Variants in CHODL observed in about 807,000 individuals in gnomAD.
CHODL encodes the protein chondrolectin, also known as transmembrane protein MT75.
CHODL carries 29 observed loss-of-function variants against 34.5 expected under a neutral mutation model. That is an observed-to-expected ratio of 0.84 (90% CI 0.63 to 1.15). The LOEUF (loss-of-function observed/expected upper bound fraction) is 1.15, where lower values mean the gene tolerates loss of function less well. Among genes scored for constraint, CHODL ranks in the 50% most tolerant of loss-of-function variants. The probability of loss-of-function intolerance (pLI) is 0.00; values close to 1 mark genes in which losing one functional copy is unlikely to be tolerated. For synonymous variants in CHODL, 125 were observed against 116.1 expected (o/e 1.08, Z -0.49); for missense variants, 332 against 332.5 (o/e 1.00, Z 0.01).
intron 1 of CHODL, among the ~76,000 whole-genome samples, chr21:18,010,289 TC>T (rs367562586): frequency 1.8e-3 from 120 of 67,256 alleles, no homozygotes; most frequent in African/African-American, 6.8e-3. Flanking sequence ...AGAGCAAGAC[TC>T]CCGTCTCAAA....
chr21:18,052,768 A>G (rs564415092), intron 2 of CHODL, among the ~76,000 whole-genome samples: 1 of 152,072 alleles, frequency 6.6e-6, no homozygotes, highest in Non-Finnish European at 1.5e-5. Context: ...TGAGGGAAAC[A>G]TCTCTGACCA....
intron 2 of CHODL, among the ~76,000 whole-genome samples, chr21:18,177,286 C>G (rs1601109028): frequency 1.3e-5 from 2 of 152,000 alleles, no homozygotes; most frequent in African/African-American, 2.4e-5. Context: ...GTTTAGTAAA[C>G]AGGTTGAAAA....
intron 2 of CHODL, among the ~76,000 whole-genome samples, chr21:18,238,799 A>G (rs1395532224): frequency 6.6e-6 from 1 of 152,182 alleles, no homozygotes; most frequent in African/African-American, 2.4e-5. Flanking sequence ...AGAACTTTAT[A>G]TACATATTTT....
Position 18,267,241 on chromosome 21 carries a change from C to T in CHODL, c.*1203C>T, listed in dbSNP as rs1254171089. On this transcript the variant is annotated 3_prime_UTR_variant, in exon 6 of 6. Coordinates refer to ENST00000299295, the MANE Select transcript of CHODL (RefSeq NM_024944.3). ...TGCTTGAGATAGAAAATGGTGGCTC[C>T]TTTCTGTCTTATCTCCTAGTTTCTT... is the stretch of plus-strand genomic sequence containing the variant. 2 of 152,130 alleles carry T rather than the reference C, an allele frequency of 1.3e-5. No individual in the cohort carries two copies. Among genetic ancestry groups the T allele is most frequent in the African/African-American group, 4.8e-5 (2 of 41,426 alleles). 9.4% of individuals were successfully genotyped at this position (152,130 alleles called of 1,614,324 possible).
intron 2 of CHODL, among the ~76,000 whole-genome samples, chr21:18,137,467 G>A (rs761046161): frequency 1.1e-4 from 16 of 152,208 alleles, no homozygotes; most frequent in South Asian, 6.2e-4. Context: ...TACTTAGAGC[G>A]TTTTTCAACA....
chr21:18,068,771 A>T, intron 2 of CHODL, among the ~76,000 whole-genome samples: 1 of 151,744 alleles, frequency 6.6e-6, no homozygotes, highest in Non-Finnish European at 1.5e-5. Context: ...CAATATTATA[A>T]GGAAATTTCT....
At chr21:17,971,518 C>A (rs556871135) in intron 1 of CHODL, among the ~76,000 whole-genome samples, 1 of 152,090 alleles carries the variant, frequency 6.6e-6, no homozygotes, top group Non-Finnish European at 1.5e-5. Context: ...GTTTGTTGGC[C>A]ACATACATGT....
At chr21:17,923,275 C>T (rs552842398) in intron 1 of CHODL, among the ~76,000 whole-genome samples, 5 of 146,566 alleles carry the variant, frequency 3.4e-5, no homozygotes, top group East Asian at 2.0e-4. Flanking sequence ...TTTTCTGCCT[C>T]TTTTTTTTTT....
intron 2 of CHODL, among the ~76,000 whole-genome samples, chr21:18,229,658 G>C (rs2073961571): frequency 6.6e-6 from 1 of 152,036 alleles, no homozygotes; most frequent in Admixed American, 6.6e-5. Flanking sequence ...GATATTTGTG[G>C]AATAATAATA....
intron 2 of CHODL, among the ~76,000 whole-genome samples, chr21:18,028,834 T>G (rs2064215180): frequency 6.6e-6 from 1 of 152,132 alleles, no homozygotes; most frequent in South Asian, 2.1e-4. Context: ...TCAAAGTCAC[T>G]TATTTAGCCC....
intron 2 of CHODL, among the ~76,000 whole-genome samples, chr21:18,168,190 A>G (rs1311462161): frequency 2.6e-5 from 4 of 152,064 alleles, no homozygotes; most frequent in East Asian, 1.9e-4. Flanking sequence ...AGGTTTTGGG[A>G]CTCAGATTGG....
At chr21:18,203,565 G>C (rs560446278) in intron 2 of CHODL, among the ~76,000 whole-genome samples, 1 of 152,150 alleles carries the variant, frequency 6.6e-6, no homozygotes, top group Admixed American at 6.5e-5. Flanking sequence ...ATTAATTTGG[G>C]TCTGTAATTA....
intron 1 of CHODL, among the ~76,000 whole-genome samples, chr21:17,947,674 G>A (rs1249308367): frequency 6.6e-6 from 1 of 151,968 alleles, no homozygotes; most frequent in Non-Finnish European, 1.5e-5. Flanking sequence ...ACAGATGTTG[G>A]CAAGGATTTG....
chr21:18,058,376 G>T (rs1158814587), intron 2 of CHODL, among the ~76,000 whole-genome samples: 2 of 152,126 alleles, frequency 1.3e-5, no homozygotes. Flanking sequence ...AAGAAAATCA[G>T]TGTATCAAAG....
chr21:18,067,614 A>C (rs534905112), intron 2 of CHODL, among the ~76,000 whole-genome samples: 1 of 152,314 alleles, frequency 6.6e-6, no homozygotes, highest in East Asian at 1.9e-4. Flanking sequence ...ACTATGAAAC[A>C]ATCAGTTTCT....
At chr21:18,090,508 TA>T (rs777625543) in intron 2 of CHODL, among the ~76,000 whole-genome samples, 1 of 152,026 alleles carries the variant, frequency 6.6e-6, no homozygotes, top group African/African-American at 2.4e-5. Flanking sequence ...GAAGATAACT[TA>T]AAAAATATTT....
chr21:18,177,111 C>T (rs1306423143), intron 2 of CHODL, among the ~76,000 whole-genome samples: 1 of 151,864 alleles, frequency 6.6e-6, no homozygotes, highest in Non-Finnish European at 1.5e-5. Flanking sequence ...CTGACTTCTT[C>T]ATCAAAAAAG....
At chr21:18,203,220 C>G (rs1360775168) in intron 2 of CHODL, among the ~76,000 whole-genome samples, 1 of 152,044 alleles carries the variant, frequency 6.6e-6, no homozygotes, top group Non-Finnish European at 1.5e-5. Context: ...AGGGAAATAG[C>G]TAAGAGACAA....
At chr21:18,058,060 C>T (rs2064606733) in intron 2 of CHODL, among the ~76,000 whole-genome samples, 1 of 152,090 alleles carries the variant, frequency 6.6e-6, no homozygotes, top group African/African-American at 2.4e-5. Flanking sequence ...CTGTAGAACA[C>T]TAGAACTTAT....
Sources: gnomAD v4.1 joint callset for allele counts (sites outside exome capture counted in the v4.1 genomes callset) on GRCh38, gnomAD v4.1.1 for gene constraint, MANE v1.5 for transcripts, NCBI Gene and HGNC (gene_info 2026-07-23, HGNC 2026-07-21) for gene names.